KDSR: variants seen among roughly 807,000 people sequenced by gnomAD.
KDSR encodes the protein 3-dehydrosphinganine reductase.
A neutral mutation model predicts 41.3 loss-of-function variants in KDSR; 23 were observed. The observed-to-expected ratio is 0.56, with a 90% CI of 0.40 to 0.79. The LOEUF (loss-of-function observed/expected upper bound fraction) is 0.79. Among genes scored for constraint, KDSR ranks in the 30% least tolerant of loss-of-function variants. The pLI, the probability that KDSR is intolerant of heterozygous loss-of-function variation, is 0.00. For missense variants in KDSR, 351 were observed against 416.8 expected, an observed-to-expected ratio of 0.84 and a Z score of 1.37; for synonymous variants, 138 against 151.7, an observed-to-expected ratio of 0.91 and a Z score of 0.66.
In KDSR at chr18:63,330,456, T is replaced by C. The variant is rs1423749718; in HGVS notation, c.*1326A>G. 1 of 230,740 alleles carries C rather than the reference T, an allele frequency of 4.3e-6. No homozygotes were observed. 14.3% of individuals were successfully genotyped at this position (230,740 alleles called of 1,614,324 possible). ...GGCACTTGCTGTCAAAATCCACTAA[T>C]GAACACAGATCCTATAACCTGGAAA... On this transcript the variant is annotated 3_prime_UTR_variant, in exon 10 of 10. Coordinates refer to ENST00000645214, the MANE Select transcript of KDSR (RefSeq NM_002035.4).
intron 7 of KDSR, among the ~76,000 whole-genome samples, chr18:63,342,013 C>A (rs1348590341): frequency 6.6e-6 from 1 of 151,276 alleles, no homozygotes; most frequent in Non-Finnish European, 1.5e-5. Context: ...AAAAAAAATA[C>A]AAAAAATCAG....
chr18:63,353,573 GAC>G (rs1914717108), intron 5 of KDSR, among the ~76,000 whole-genome samples: 1 of 152,140 alleles, frequency 6.6e-6, no homozygotes. Context: ...CAGTCAGCTA[GAC>G]ACAGCCCAAA....
At chr18:63,341,270 G>T (rs1226738669) in intron 7 of KDSR, among the ~76,000 whole-genome samples, 1 of 152,076 alleles carries the variant, frequency 6.6e-6, no homozygotes, top group South Asian at 2.1e-4. Flanking sequence ...TAAACATCCA[G>T]AGTGAATATC....
intron 2 of KDSR, 127 bp downstream of exon 2, chr18:63,362,652 A>G: frequency 3.1e-6 from 2 of 637,800 alleles, no homozygotes; most frequent in South Asian, 4.2e-5. Context: ...TCAGTAGTTC[A>G]GGAAACACAT....
Position 63,328,991 on chromosome 18 carries a change from A to G in KDSR, c.*2791T>C, listed in dbSNP as rs1913893558. The G allele has an allele frequency of 5.1e-6, 1 of 196,556 alleles. No homozygotes were observed. Among genetic ancestry groups the G allele is most frequent in the Admixed American group, 6.1e-5 (1 of 16,428 alleles). The allele number at this position is 196,556 out of a possible 1,614,324, so 12.2% of individuals were successfully genotyped here. A position where few individuals can be genotyped will look rare whatever the true frequency, so the allele number is the denominator to read the frequency against. ...ATTTACGCACTTCTGGGTCCAATAGAAGGTGTTGAATCAATGTGATCCTTT... is the reference window on the plus strand; with the variant it reads ...ATTTACGCACTTCTGGGTCCAATAGGAGGTGTTGAATCAATGTGATCCTTT... On this transcript the variant is annotated 3_prime_UTR_variant, in exon 10 of 10. Transcript: ENST00000645214.
intron 5 of KDSR, among the ~76,000 whole-genome samples, chr18:63,352,535 C>T (rs148044104): frequency 0.011 from 1,638 of 152,064 alleles, 14 homozygotes; most frequent in Non-Finnish European, 0.017. Context: ...AGGCTGGTCT[C>T]GAACTCCTGA....
intron 3 of KDSR, among the ~76,000 whole-genome samples, chr18:63,356,821 G>A (rs1914809380): frequency 6.6e-6 from 1 of 152,172 alleles, no homozygotes; most frequent in African/African-American, 2.4e-5. Context: ...GAAAAAACGG[G>A]GCAATTTACA....
At chr18:63,347,002 C>T (rs944942834) in intron 6 of KDSR, among the ~76,000 whole-genome samples, 7 of 152,080 alleles carry the variant, frequency 4.6e-5, no homozygotes, top group African/African-American at 1.7e-4. Context: ...ACAATGCTAG[C>T]TCCCTGAGAT....
chr18:63,351,131 A>G lies in KDSR; in HGVS notation c.418-52T>C, dbSNP rs747738448. ...GGTCAAAAGCCTCAAGGCTGTGCAC[A>G]TGGAGAATTTAGTCTGCTTTCTGGA... On this transcript the variant is annotated intron_variant, in intron 5 of 9. Transcript: ENST00000645214. 4 of 1,435,270 alleles carry G rather than the reference A, an allele frequency of 2.8e-6. No individual in the cohort carries two copies. In the Admixed American group the frequency reaches 9.2e-5, roughly 33 times the overall value. 88.9% of individuals were successfully genotyped at this position (1,435,270 alleles called of 1,614,324 possible). A position where few individuals can be genotyped will look rare whatever the true frequency, so the allele number is the denominator to read the frequency against.
intron 3 of KDSR, among the ~76,000 whole-genome samples, chr18:63,359,127 T>C: frequency 8.0e-6 from 1 of 124,902 alleles, no homozygotes. Flanking sequence ...TGCAGTGAGC[T>C]GAGATCGCAC....
chr18:63,356,372 G>A (rs1419263439), intron 3 of KDSR, among the ~76,000 whole-genome samples: 11 of 151,678 alleles, frequency 7.3e-5, no homozygotes, highest in Admixed American at 2.6e-4. Context: ...GCACACCAGC[G>A]TGGGCAACAG....
chr18:63,336,949 C>T (rs1192048459), intron 8 of KDSR, among the ~76,000 whole-genome samples: 1 of 151,990 alleles, frequency 6.6e-6, no homozygotes, highest in Non-Finnish European at 1.5e-5. Flanking sequence ...TTGAATCCAG[C>T]TGTTAATGCA....
chr18:63,363,219 C>CTTTTTTTTTTT (rs1185123481), intron 1 of KDSR, among the ~76,000 whole-genome samples: 8 of 111,444 alleles, frequency 7.2e-5, no homozygotes, highest in Non-Finnish European at 9.7e-5. Flanking sequence ...TTTTTTTTTT[C>CTTTTTTTTTTT]TTTTTTTTTT....
intron 6 of KDSR, among the ~76,000 whole-genome samples, chr18:63,350,604 A>C (rs181729085): frequency 3.3e-5 from 5 of 152,378 alleles, no homozygotes; most frequent in Admixed American, 2.0e-4. Context: ...ACATTCACAC[A>C]GTATTAGACT....
chr18:63,350,465 T>C (rs572746834), intron 6 of KDSR, among the ~76,000 whole-genome samples: 29 of 152,316 alleles, frequency 1.9e-4, no homozygotes, highest in Non-Finnish European at 3.4e-4. Context: ...GTCTAAAAGC[T>C]AAAAATTAGC....
intron 6 of KDSR, among the ~76,000 whole-genome samples, chr18:63,349,745 C>T (rs1914611353): frequency 6.6e-6 from 1 of 152,230 alleles, no homozygotes; most frequent in Admixed American, 6.5e-5. Context: ...AAACAGGGGT[C>T]AGCAAATTAT....
chr18:63,361,209 C>CAAAAAAAAA (rs71162630), intron 2 of KDSR, among the ~76,000 whole-genome samples: 5 of 15,522 alleles, frequency 3.2e-4, no homozygotes, highest in Admixed American at 1.1e-3. Flanking sequence ...AACTCCGTCT[C>CAAAAAAAAA]AAAAAAAAAA....
At chr18:63,360,328 T>C (rs1371532488) in intron 2 of KDSR, among the ~76,000 whole-genome samples, 1 of 152,254 alleles carries the variant, frequency 6.6e-6, no homozygotes, top group Non-Finnish European at 1.5e-5. Flanking sequence ...TGTGTAATTA[T>C]GTAATTCTTC....
At chr18:63,361,544 T>C (rs1015148447) in intron 2 of KDSR, among the ~76,000 whole-genome samples, 2 of 151,934 alleles carry the variant, frequency 1.3e-5, no homozygotes, top group Admixed American at 1.3e-4. Context: ...AGGCCAGGTG[T>C]GGTGGCTCAC....
Sources: allele counts gnomAD v4.1 joint callset (sites outside exome capture counted in the v4.1 genomes callset), GRCh38; gene constraint gnomAD v4.1.1; transcripts MANE v1.5; gene names NCBI Gene and HGNC (gene_info 2026-07-23, HGNC 2026-07-21).